The following SGCD variants were observed in gnomAD, a reference collection of about 807,000 sequenced individuals.
The protein encoded by SGCD is sarcoglycan delta.
Under a neutral mutation model 36.6 loss-of-function variants are expected in SGCD, and 18 were observed. That is an observed-to-expected ratio of 0.49 (90% CI 0.34 to 0.73). SGCD has a LOEUF of 0.73. SGCD is among the 30% of genes least tolerant of loss of function. The pLI is 0.01. For missense variants in SGCD, 387 were observed against 346.7 expected, an observed-to-expected ratio of 1.12 and a Z score of -0.92; for synonymous variants, 133 against 130.6, an observed-to-expected ratio of 1.02 and a Z score of -0.12.
intron 3 of SGCD, among the ~76,000 whole-genome samples, chr5:156,141,887 A>G (rs1762590508): frequency 6.6e-6 from 1 of 152,198 alleles, no homozygotes; most frequent in African/African-American, 2.4e-5. Flanking sequence ...CTTTTTATCA[A>G]CAATACTAGA....
rs1757382282 is a variant in SGCD, at chr5:156,757,463, T to TA, written c.576-112dup. On this transcript the variant is annotated intron_variant, in intron 7 of 8. Coordinates refer to ENST00000337851, the MANE Select transcript of SGCD (RefSeq NM_000337.6). ...TTGACCAGGTTGTAAAGCAAAACTT[T>TA]AAAAAATTCTCTGATCAAATACTGG... 7 of 684,000 alleles carry TA rather than the reference T, an allele frequency of 1.0e-5. No homozygotes were observed. In the East Asian group the frequency reaches 1.4e-4, roughly 14 times the overall value. The allele number at this position is 684,000 out of a possible 1,614,324, so 42.4% of individuals were successfully genotyped here.
intron 3 of SGCD, among the ~76,000 whole-genome samples, chr5:156,423,143 T>TAA: frequency 3.7e-5 from 2 of 53,550 alleles, no homozygotes; most frequent in African/African-American, 1.4e-4. Flanking sequence ...ATAATTAATA[T>TAA]TTAATTAATT....
chr5:156,598,494 A>G (rs1561804771), intron 6 of SGCD, among the ~76,000 whole-genome samples: 1 of 152,200 alleles, frequency 6.6e-6, no homozygotes, highest in Non-Finnish European at 1.5e-5. Context: ...GAGAGCCAAG[A>G]TCGTGCCACT....
intron 3 of SGCD, among the ~76,000 whole-genome samples, chr5:156,459,887 G>A (rs1305424538): frequency 6.6e-6 from 1 of 152,118 alleles, no homozygotes; most frequent in Non-Finnish European, 1.5e-5. Flanking sequence ...AGTATTGGCT[G>A]AAAGATTTCA....
At chr5:156,068,110 A>T (rs1336707248) in intron 1 of SGCD, among the ~76,000 whole-genome samples, 1 of 143,600 alleles carries the variant, frequency 7.0e-6, no homozygotes, top group African/African-American at 2.6e-5. Flanking sequence ...TTTTATTTTT[A>T]TTTTATTTTA....
chr5:155,830,816 T>G, the SGCD span, among the ~76,000 whole-genome samples: 1 of 152,220 alleles, frequency 6.6e-6, no homozygotes, highest in African/African-American at 2.4e-5. Context: ...TTCTTCCCCC[T>G]GATATTACCA....
At chr5:156,177,569 A>C (rs1763504242) in intron 3 of SGCD, among the ~76,000 whole-genome samples, 1 of 152,098 alleles carries the variant, frequency 6.6e-6, no homozygotes, top group Non-Finnish European at 1.5e-5. Flanking sequence ...TTGTTTAATG[A>C]GCTATATTAA....
intron 1 of SGCD, among the ~76,000 whole-genome samples, chr5:155,889,685 T>C (rs1756080848): frequency 6.6e-6 from 1 of 152,222 alleles, no homozygotes; most frequent in South Asian, 2.1e-4. Flanking sequence ...GGAAAGGTAG[T>C]CAGGGACCTG....
chr5:156,472,037 A>G (rs1046343549), intron 3 of SGCD, among the ~76,000 whole-genome samples: 20 of 152,198 alleles, frequency 1.3e-4, no homozygotes, highest in African/African-American at 3.9e-4. Context: ...CATTAGGGTT[A>G]TTCAAATTAA....
chr5:155,868,640 T>A (rs539845660), upstream of SGCD, among the ~76,000 whole-genome samples: 1 of 152,184 alleles, frequency 6.6e-6, no homozygotes, highest in South Asian at 2.1e-4. Flanking sequence ...CCAGTCTGTA[T>A]ATGGGAGAGA....
rs868019584 is a variant in SGCD at position 156,067,940 on chromosome 5, C to G, written c.-281-49938C>G. On this transcript the variant is annotated intron_variant, in intron 1 of 9. Coordinates refer to the SGCD transcript ENST00000517913. ...TGGGAGCTGTAGACCGGAGCTGTTCCTATTCGGCCATCTTGGCTCCTCCCC... is the reference window on the plus strand; with the variant it reads ...TGGGAGCTGTAGACCGGAGCTGTTCGTATTCGGCCATCTTGGCTCCTCCCC... Among the ~76,000 whole-genome samples the G allele has an allele frequency of 2.6e-4, 33 of 128,882 alleles. 4 individuals carry two copies. The highest frequency in any genetic ancestry group is 1.3e-3 in the African/African-American group (27 of 21,258). The allele number at this position is 128,882 out of a possible 152,430, so 84.6% of individuals were successfully genotyped here.
intron 3 of SGCD, among the ~76,000 whole-genome samples, chr5:156,256,332 C>T (rs895400561): frequency 2.0e-5 from 3 of 152,118 alleles, no homozygotes; most frequent in Non-Finnish European, 4.4e-5. Flanking sequence ...AGCCCCTTTC[C>T]AGTTGTCCCA....
chr5:156,296,346 TAA>T lies in SGCD; in HGVS notation c.-43-33187_-43-33186del, dbSNP rs1766893205. Among the ~76,000 whole-genome samples, 4 of 152,324 alleles carry T rather than the reference TAA, an allele frequency of 2.6e-5. No homozygotes were observed. In the South Asian group the frequency reaches 8.3e-4, roughly 32 times the overall value. ...AGGTGACCAATTCTTGATTCTTGTA[TAA>T]GACAGTCCAATTTATTTTCAAAATG... is the stretch of plus-strand genomic sequence containing the variant. On this transcript the variant is annotated intron_variant, in intron 3 of 9. Coordinates refer to the SGCD transcript ENST00000517913.
chr5:156,024,968 A>T (rs1759195217), intron 1 of SGCD, among the ~76,000 whole-genome samples: 2 of 152,184 alleles, frequency 1.3e-5, no homozygotes, highest in Admixed American at 1.3e-4. Flanking sequence ...AAAAAAAAAA[A>T]AAAAGAAATG....
At chr5:155,803,275 G>A in the SGCD span, among the ~76,000 whole-genome samples, 3 of 152,212 alleles carry the variant, frequency 2.0e-5, no homozygotes, top group Non-Finnish European at 2.9e-5. Context: ...AGCAGCGTGA[G>A]GCTACTAAGG....
At chr5:156,425,117 C>T (rs554423531) in intron 3 of SGCD, among the ~76,000 whole-genome samples, 4 of 152,082 alleles carry the variant, frequency 2.6e-5, no homozygotes, top group African/African-American at 9.7e-5. Context: ...TATAAGCAAC[C>T]CTTTCAAAGG....
chr5:156,061,919 CTTTTTTTTTTTTTT>C lies in SGCD; in HGVS notation c.-281-55947_-281-55934del, dbSNP rs757769130. Among the ~76,000 whole-genome samples, 16 of 71,762 alleles carry C rather than the reference CTTTTTTTTTTTTTT, an allele frequency of 2.2e-4. 4 individuals are homozygous for C. Among genetic ancestry groups the C allele is most frequent in the African/African-American group, 9.6e-4 (16 of 16,648 alleles). 47.1% of individuals were successfully genotyped at this position (71,762 alleles called of 152,430 possible). ...TTGGTGATAATTCCAGGAGTTTTCACTTTTTTTTTTTTTTTTTTTTTTTTTATTATACTCTAAGT... is the reference window on the plus strand; with the variant it reads ...TTGGTGATAATTCCAGGAGTTTTCACTTTTTTTTTTTATTATACTCTAAGT... On this transcript the variant is annotated intron_variant, in intron 1 of 9. Coordinates refer to the SGCD transcript ENST00000517913.
At chr5:155,943,447 G>A (rs111745375) in intron 1 of SGCD, among the ~76,000 whole-genome samples, 297 of 152,212 alleles carry the variant, frequency 2.0e-3, no homozygotes, top group Admixed American at 2.4e-3. Context: ...AATTTAGTAA[G>A]CACCTACTTC....
At chr5:155,890,704 C>T (rs1323448513) in intron 1 of SGCD, among the ~76,000 whole-genome samples, 2 of 150,616 alleles carry the variant, frequency 1.3e-5, no homozygotes, top group Non-Finnish European at 3.0e-5. Context: ...GAACCAGGCT[C>T]AGAAAAGGAA....
Sources: gnomAD v4.1 joint callset for allele counts (sites outside exome capture counted in the v4.1 genomes callset) on GRCh38, gnomAD v4.1.1 for gene constraint, MANE v1.5 for transcripts, NCBI Gene and HGNC (gene_info 2026-07-23, HGNC 2026-07-21) for gene names.